FHDC1: variants seen among roughly 807,000 people sequenced by gnomAD.
FHDC1 encodes FH2 domain-containing protein 1.
In FHDC1, 25 loss-of-function variants were observed where a neutral mutation model predicts 52.6. The observed-to-expected ratio is 0.48, with a 90% CI of 0.35 to 0.66. FHDC1 has a LOEUF of 0.66. FHDC1 is among the 30% of genes least tolerant of loss of function. The probability of loss-of-function intolerance (pLI) is 0.01; values close to 1 mark genes in which losing one functional copy is unlikely to be tolerated. For synonymous variants in FHDC1, 616 were observed against 581.5 expected (o/e 1.06, Z -0.85); for missense variants, 1,459 against 1,452.8 (o/e 1.00, Z -0.07).
upstream of FHDC1, among the ~76,000 whole-genome samples, chr4:152,931,890 C>T (rs937490826): frequency 3.7e-5 from 5 of 134,842 alleles, no homozygotes; most frequent in Non-Finnish European, 6.1e-5. Flanking sequence ...TGAGCAGTAA[C>T]TACGCCACTG....
At chr4:152,953,596 T>C (rs759170266) in intron 3 of FHDC1, 36 bp downstream of exon 3, 1 of 1,548,128 alleles carries the variant, frequency 6.5e-7, no homozygotes, top group Non-Finnish European at 8.9e-7. Context: ...TTTAGTCATA[T>C]CCCTGCTGTC....
intron 2 of FHDC1, among the ~76,000 whole-genome samples, chr4:152,946,661 C>T (rs1739743253): frequency 6.6e-6 from 1 of 152,216 alleles, no homozygotes; most frequent in Admixed American, 6.5e-5. Context: ...AGAGGGACTG[C>T]TCCTGAGCCC....
At chr4:152,929,164 C>T in the FHDC1 span, among the ~76,000 whole-genome samples, 4 of 151,900 alleles carry the variant, frequency 2.6e-5, no homozygotes, top group Admixed American at 6.6e-5. The surrounding 1 kb of genome is among the most constrained non-coding windows in gnomAD (Gnocchi z 4.1). Flanking sequence ...ACTGGGACAA[C>T]GAGAAGCACA....
At chr4:152,927,412 CCGG>C in the FHDC1 span, 3 of 779,904 alleles carry the variant, frequency 3.8e-6, no homozygotes, top group East Asian at 7.3e-5. Flanking sequence ...GTTTATTTTG[CCGG>C]GACTCTATAG....
At chr4:152,915,913 T>C in the FHDC1 span, among the ~76,000 whole-genome samples, 1 of 152,198 alleles carries the variant, frequency 6.6e-6, no homozygotes, top group Admixed American at 6.5e-5. Flanking sequence ...TAGTAATCAT[T>C]GTGCCTTGGA....
intron 10 of FHDC1, among the ~76,000 whole-genome samples, chr4:152,971,835 G>A (rs540418238): frequency 6.2e-4 from 95 of 152,310 alleles, no homozygotes; most frequent in African/African-American, 2.0e-3. Flanking sequence ...TCAGCACCCC[G>A]GGTTTAGGCA....
chr4:152,969,664 C>T (rs1740573659), intron 10 of FHDC1, among the ~76,000 whole-genome samples: 1 of 145,742 alleles, frequency 6.9e-6, no homozygotes, highest in South Asian at 2.2e-4. Flanking sequence ...TTCTGGCAGT[C>T]GTTTTTTTTT....
At chr4:152,956,233 C>T (rs1051723756) in intron 4 of FHDC1, among the ~76,000 whole-genome samples, 7 of 152,074 alleles carry the variant, frequency 4.6e-5, no homozygotes, top group African/African-American at 1.2e-4. Context: ...TGTTTTCAGG[C>T]CTCCTTTAGG....
intron 1 of FHDC1, among the ~76,000 whole-genome samples, chr4:152,942,240 A>G (rs1395727683): frequency 6.6e-6 from 1 of 152,210 alleles, no homozygotes; most frequent in African/African-American, 2.4e-5. Flanking sequence ...AATTTTACAA[A>G]TGAGAAAACT....
intron 6 of FHDC1, among the ~76,000 whole-genome samples, chr4:152,961,743 T>G (rs1481872842): frequency 1.3e-5 from 2 of 152,322 alleles, no homozygotes; most frequent in South Asian, 2.1e-4. Context: ...TGAGATAAAA[T>G]TTTTCTCTTT....
intron 1 of FHDC1, among the ~76,000 whole-genome samples, chr4:152,937,062 G>A (rs1473917223): frequency 6.6e-6 from 1 of 152,382 alleles, no homozygotes; most frequent in East Asian, 1.9e-4. Flanking sequence ...GGAAGCGGGT[G>A]GGCTGGGGAT....
intron 9 of FHDC1, among the ~76,000 whole-genome samples, chr4:152,965,460 TACAG>T (rs1338115805): frequency 1.3e-5 from 2 of 152,228 alleles, no homozygotes; most frequent in Non-Finnish European, 2.9e-5. Context: ...GAAAGGCACA[TACAG>T]AGAAAGTATC....
chr4:152,939,055 A>G (rs559388299), intron 1 of FHDC1, among the ~76,000 whole-genome samples: 1 of 152,252 alleles, frequency 6.6e-6, no homozygotes, highest in Non-Finnish European at 1.5e-5. Flanking sequence ...GCTCCCTTCA[A>G]GAGACTAGAA....
chr4:152,967,958 A>T (rs1167792970), intron 9 of FHDC1, 22 bp from the exon 10 acceptor site: 2 of 1,584,458 alleles, frequency 1.3e-6, no homozygotes. Context: ...CCAACTGCCC[A>T]CTCTCCCCTT....
chr4:152,957,001 G>A (rs1200380086), intron 4 of FHDC1, among the ~76,000 whole-genome samples: 1 of 152,146 alleles, frequency 6.6e-6, no homozygotes, highest in Non-Finnish European at 1.5e-5. Flanking sequence ...CCACTGTAAG[G>A]ACAAACTTTT....
the FHDC1 span, among the ~76,000 whole-genome samples, chr4:152,912,672 G>T: frequency 6.6e-6 from 1 of 152,138 alleles, no homozygotes; most frequent in Non-Finnish European, 1.5e-5. Flanking sequence ...GAAGATAAAG[G>T]CTGAACAATC....
chr4:152,927,520 C>A, the FHDC1 span: 3 of 1,179,494 alleles, frequency 2.5e-6, no homozygotes, highest in Non-Finnish European at 3.8e-6. Context: ...ATGAATGGTG[C>A]AAAAGGAGGC....
chr4:152,929,540 T>G, the FHDC1 span, among the ~76,000 whole-genome samples: 1 of 152,342 alleles, frequency 6.6e-6, no homozygotes, highest in Non-Finnish European at 1.5e-5. The surrounding 1 kb of genome is among the most constrained non-coding windows in gnomAD (Gnocchi z 4.1). Context: ...TTTGGCTTAG[T>G]GATTTGGGGG....
In FHDC1 at chr4:152,962,892, A is replaced by C. The variant is rs1025004147; in HGVS notation, c.921+8A>C. On this transcript the variant is annotated splice_region_variant and intron_variant, in intron 7 of 11. Coordinates refer to ENST00000511601, the MANE Select transcript of FHDC1 (RefSeq NM_001371116.1). ...GGGAATATCATGAATGCAGTAAGTA[A>C]AATCCAAAACAATTGTAATGTTATG... 5.0e-6 allele frequency: 8 copies of C among 1,613,570 alleles called. No homozygotes were observed. Among genetic ancestry groups the C allele is most frequent in the Non-Finnish European group, 6.8e-6 (8 of 1,179,646 alleles).
Sources: gnomAD v4.1 joint callset for allele counts (sites outside exome capture counted in the v4.1 genomes callset) on GRCh38, gnomAD v4.1.1 for gene constraint, Gnocchi (gnomAD v3.1) non-coding constraint, MANE v1.5 for transcripts, NCBI Gene and HGNC (gene_info 2026-07-23, HGNC 2026-07-21) for gene names.